Variants in LAPTM5 observed in about 807,000 individuals in gnomAD.
The protein encoded by LAPTM5 is lysosomal protein transmembrane 5, also known as lysosomal-associated transmembrane protein 5.
A neutral mutation model predicts 30.1 loss-of-function variants in LAPTM5; 11 were observed. The observed-to-expected ratio is 0.37, with a 90% CI of 0.23 to 0.60. The LOEUF is 0.60. Among genes scored for constraint, LAPTM5 ranks in the 20% least tolerant of loss-of-function variants. The probability of loss-of-function intolerance (pLI) is 0.71; values close to 1 mark genes in which losing one functional copy is unlikely to be tolerated. For missense variants in LAPTM5, 324 were observed against 332.5 expected (o/e 0.97, Z 0.20); for synonymous variants, 151 against 137.9 (o/e 1.10, Z -0.67).
chr1:30,742,580 A>G, intron 1 of LAPTM5, 31 bp from the exon 2 acceptor site: 1 of 1,580,054 alleles, frequency 6.3e-7, no homozygotes, highest in Non-Finnish European at 8.7e-7. Context: ...CAGTCAGCTG[A>G]GCCTGCATCA....
chr1:30,741,203 T>C (rs1639966010), intron 3 of LAPTM5, among the ~76,000 whole-genome samples: 1 of 152,220 alleles, frequency 6.6e-6, no homozygotes, highest in African/African-American at 2.4e-5. Context: ...CTCCTGTCAC[T>C]GCATGGATAG....
At chr1:30,753,074 ACCTGGCCGTACTTTTTTTTTTTT>A (rs1476631068) in intron 1 of LAPTM5, among the ~76,000 whole-genome samples, 1 of 134,802 alleles carries the variant, frequency 7.4e-6, no homozygotes, top group African/African-American at 2.9e-5. Flanking sequence ...GAGCCACCGC[ACCTGGCCGTACTTTTTTTTTTTT>A]CCAATTTAAA....
At chr1:30,734,055 T>G in intron 7 of LAPTM5, 138 bp from the exon 8 acceptor site, 1 of 927,584 alleles carries the variant, frequency 1.1e-6, no homozygotes, top group Non-Finnish European at 1.6e-6. Flanking sequence ...ATTTGCTATG[T>G]GCTAGACATT....
At chr1:30,757,286 T>C (rs1640225240) in intron 1 of LAPTM5, among the ~76,000 whole-genome samples, 1 of 152,182 alleles carries the variant, frequency 6.6e-6, no homozygotes, top group African/African-American at 2.4e-5. Context: ...CCTCCCAAGA[T>C]CCCTGCCTTC....
rs572653556 is a variant in LAPTM5, at chr1:30,733,028, G to C, written c.*800C>G. On this transcript the variant is annotated 3_prime_UTR_variant, in exon 8 of 8. Transcript: ENST00000294507. ...ATGACAACTCTTCAGCAGAACAATTGTGTGTTTGAAGGGACTGTTTTATGA... is the reference window on the plus strand; with the variant it reads ...ATGACAACTCTTCAGCAGAACAATTCTGTGTTTGAAGGGACTGTTTTATGA... The C allele has an allele frequency of 1.3e-5, 2 of 153,816 alleles. No homozygotes were observed. The highest frequency in any genetic ancestry group is 4.0e-4 in the South Asian group (2 of 4,970). 9.5% of individuals were successfully genotyped at this position (153,816 alleles called of 1,614,324 possible).
At position 30,746,254 on chromosome 1, in the gene LAPTM5, G is replaced by C. The variant is rs1255789292; in HGVS notation, c.88-3705C>G. On this transcript the variant is annotated intron_variant, in intron 1 of 7. Transcript: ENST00000294507. This position sits in a 1 kb window ranked among gnomAD's most constrained non-coding sequence, Gnocchi z 4.0. ...TGACAGAACGCAGGAGGGTCAGTGG[G>C]GTGGAGCTCCTACACACTGTAGGAC... 6.6e-6 allele frequency: 1 copy of C among 152,124 alleles called. No homozygotes were observed. Among genetic ancestry groups the C allele is most frequent in the African/African-American group, 2.4e-5 (1 of 41,366 alleles). The allele number at this position is 152,124 out of a possible 1,614,324, so 9.4% of individuals were successfully genotyped here. A position where few individuals can be genotyped will look rare whatever the true frequency, so the allele number is the denominator to read the frequency against.
chr1:30,734,324 A>G (rs59992159), intron 7 of LAPTM5, among the ~76,000 whole-genome samples: 3,887 of 152,244 alleles, frequency 0.026, 164 homozygotes, highest in African/African-American at 0.088. Flanking sequence ...AGTTGGTCCA[A>G]TCAGACATAC....
intron 5 of LAPTM5, 66 bp from the exon 6 acceptor site, chr1:30,737,765 TC>T: frequency 9.6e-7 from 1 of 1,043,712 alleles, no homozygotes; most frequent in Non-Finnish European, 1.5e-6. Flanking sequence ...CACCCACACA[TC>T]CGGGAATAAT....
chr1:30,746,781 G>A lies in LAPTM5; in HGVS notation c.88-4232C>T, dbSNP rs1640052941. Among the ~76,000 whole-genome samples the A allele has an allele frequency of 6.6e-6, 1 of 152,200 alleles. No individual in the cohort carries two copies. The highest frequency in any genetic ancestry group is 2.4e-5 in the African/African-American group (1 of 41,458). On this transcript the variant is annotated intron_variant, in intron 1 of 7. Coordinates refer to ENST00000294507, the MANE Select transcript of LAPTM5 (RefSeq NM_006762.3). The surrounding 1 kb of genome is among the most constrained non-coding windows in gnomAD (Gnocchi z 4.0). ...CAGCCACTAACCTCTCTGGGCCTCG[G>A]CTCCTCATCTGAGGAATGGGGATAA...
At chr1:30,747,641 T>G (rs531387104) in intron 1 of LAPTM5, among the ~76,000 whole-genome samples, 1 of 152,210 alleles carries the variant, frequency 6.6e-6, no homozygotes, top group East Asian at 1.9e-4. Flanking sequence ...TTTCTTTTCC[T>G]GGTGGCTCTG....
At chr1:30,751,796 C>T (rs1199325266) in intron 1 of LAPTM5, among the ~76,000 whole-genome samples, 2 of 152,184 alleles carry the variant, frequency 1.3e-5, no homozygotes, top group Non-Finnish European at 2.9e-5. Context: ...CAGGCACTCA[C>T]CTGCTAGCCC....
intron 1 of LAPTM5, among the ~76,000 whole-genome samples, chr1:30,743,846 C>T (rs1400366457): frequency 7.9e-6 from 1 of 126,016 alleles, no homozygotes; most frequent in East Asian, 2.6e-4. Context: ...AACTTGTCTT[C>T]CTGCCACATT....
At chr1:30,747,075 G>A (rs899723854) in intron 1 of LAPTM5, among the ~76,000 whole-genome samples, 22 of 152,200 alleles carry the variant, frequency 1.4e-4, no homozygotes, top group Non-Finnish European at 2.8e-4. Context: ...CAGAGGACAC[G>A]CATGGGGCTT....
intron 7 of LAPTM5, 117 bp from the exon 8 acceptor site, chr1:30,734,034 A>G: frequency 8.8e-7 from 1 of 1,130,526 alleles, no homozygotes; most frequent in South Asian, 1.4e-5. Flanking sequence ...AATGACTGGC[A>G]GGTCTTGGAT....
chr1:30,755,520 C>A (rs1640197289), intron 1 of LAPTM5, among the ~76,000 whole-genome samples: 1 of 152,134 alleles, frequency 6.6e-6, no homozygotes, highest in Admixed American at 6.5e-5. Context: ...ATACTGCCCA[C>A]AACCAAACTC....
intron 5 of LAPTM5, 103 bp downstream of exon 5, chr1:30,738,837 C>T: frequency 7.7e-7 from 1 of 1,302,706 alleles, no homozygotes; most frequent in South Asian, 1.4e-5. Context: ...CAAGCTCCAA[C>T]TCCAGGGAAC....
chr1:30,749,680 G>A (rs1640102973), intron 1 of LAPTM5, among the ~76,000 whole-genome samples: 1 of 152,140 alleles, frequency 6.6e-6, no homozygotes, highest in Admixed American at 6.5e-5. Flanking sequence ...TAGGGGTCAG[G>A]GCGGGCTTCT....
At chr1:30,742,112 G>A in intron 2 of LAPTM5, 1 of 397,224 alleles carries the variant, frequency 2.5e-6, no homozygotes, top group South Asian at 2.7e-5. Flanking sequence ...GAGGTGGGCA[G>A]AGGCTGGATC....
At position 30,756,149 on chromosome 1, in the gene LAPTM5, G is replaced by A. The variant is rs573938672; in HGVS notation, c.87+1510C>T. ...CCCAGGGACTTGCTACCTGTGAGGC[G>A]CCCCTGCATGCCACACTGTCCTTCT... is the stretch of plus-strand genomic sequence containing the variant. On this transcript the variant is annotated intron_variant, in intron 1 of 7. Coordinates refer to ENST00000294507, the MANE Select transcript of LAPTM5 (RefSeq NM_006762.3). Among the ~76,000 whole-genome samples, 18 of 152,322 alleles carry A rather than the reference G, an allele frequency of 1.2e-4. No homozygotes were observed. The East Asian group carries it at 1.7e-3, about 15-fold the overall frequency.
Sources: allele counts gnomAD v4.1 joint callset (sites outside exome capture counted in the v4.1 genomes callset), GRCh38; gene constraint gnomAD v4.1.1; non-coding constraint Gnocchi (gnomAD v3.1); transcripts MANE v1.5; gene names NCBI Gene and HGNC (gene_info 2026-07-23, HGNC 2026-07-21).